The following LPCAT2 variants were observed in gnomAD, a reference collection of about 807,000 sequenced individuals.
LPCAT2 encodes the protein lysophosphatidylcholine acyltransferase 2.
In LPCAT2, 58 loss-of-function variants were observed where a neutral mutation model predicts 64.7. The ratio of observed to expected loss-of-function variants is 0.90; its 90% CI spans 0.73 to 1.12. The LOEUF (loss-of-function observed/expected upper bound fraction) is 1.12, where lower values mean the gene tolerates loss of function less well. Among genes scored for constraint, LPCAT2 ranks in the 50% most tolerant of loss-of-function variants. The probability of loss-of-function intolerance (pLI) is 0.00; values close to 1 mark genes in which losing one functional copy is unlikely to be tolerated. For synonymous variants in LPCAT2, 252 were observed against 245.3 expected (o/e 1.03, Z -0.26); for missense variants, 579 against 669.8 (o/e 0.86, Z 1.50).
At chr16:55,568,971 T>C (rs1162910859) in intron 11 of LPCAT2, among the ~76,000 whole-genome samples, 13 of 152,212 alleles carry the variant, frequency 8.5e-5, no homozygotes, top group African/African-American at 1.9e-4. Flanking sequence ...TGCTATTTAA[T>C]TGGTCTCTAC....
intron 5 of LPCAT2, 154 bp downstream of exon 5, chr16:55,532,128 C>T (rs1429275791): frequency 1.7e-6 from 1 of 591,452 alleles, no homozygotes; most frequent in Middle Eastern, 4.8e-4. Flanking sequence ...ACAGAACTTA[C>T]TGCTTTGCTT....
chr16:55,513,519 A>C (rs1962964124), intron 1 of LPCAT2, among the ~76,000 whole-genome samples: 1 of 42,044 alleles, frequency 2.4e-5, no homozygotes, highest in Non-Finnish European at 7.1e-5. Context: ...AATGAAAACA[A>C]AAAAAAAAAA....
At chr16:55,563,608 A>G (rs1169651724) in intron 11 of LPCAT2, among the ~76,000 whole-genome samples, 12 of 152,022 alleles carry the variant, frequency 7.9e-5, no homozygotes, top group African/African-American at 2.9e-4. Flanking sequence ...GAAAAATCAC[A>G]TGATCATCTT....
At chr16:55,537,098 G>T (rs879888219) in intron 7 of LPCAT2, among the ~76,000 whole-genome samples, 1 of 152,104 alleles carries the variant, frequency 6.6e-6, no homozygotes, top group Non-Finnish European at 1.5e-5. Flanking sequence ...AGTTTCTCTA[G>T]AGACTTGGGC....
In LPCAT2 at chr16:55,557,439, G is replaced by A. The variant is rs1190667005; in HGVS notation, c.1215+6337G>A. On this transcript the variant is annotated intron_variant, in intron 11 of 13. Transcript: ENST00000262134. Reference sequence around the variant, plus strand: ...TGCTAGGCTTGTTTTCTCAGTCTCTGTGAGTGATTTAGCAGAGGGAAGTTT... The same window carrying A: ...TGCTAGGCTTGTTTTCTCAGTCTCTATGAGTGATTTAGCAGAGGGAAGTTT... Among the ~76,000 whole-genome samples the A allele has an allele frequency of 5.3e-5, 8 of 152,130 alleles. No homozygotes were observed. The South Asian group carries it at 6.2e-4, about 12-fold the overall frequency.
At chr16:55,509,991 CTTTTTTTTTTT>C (rs57496150) in intron 1 of LPCAT2, among the ~76,000 whole-genome samples, 1 of 102,532 alleles carries the variant, frequency 9.8e-6, no homozygotes, top group African/African-American at 3.7e-5. Flanking sequence ...TTGAAGAAGT[CTTTTTTTTTTT>C]TTTTTTGCCT....
At chr16:55,577,791 G>A (rs1432658706) in intron 12 of LPCAT2, among the ~76,000 whole-genome samples, 2 of 151,826 alleles carry the variant, frequency 1.3e-5, no homozygotes, top group African/African-American at 2.4e-5. Context: ...TTTTGTGCTT[G>A]GATACTACCC....
At chr16:55,524,479 G>A (rs934328001) in intron 1 of LPCAT2, among the ~76,000 whole-genome samples, 1 of 151,854 alleles carries the variant, frequency 6.6e-6, no homozygotes, top group Non-Finnish European at 1.5e-5. Context: ...TGCAGTGGTG[G>A]TTACATGAGT....
chr16:55,572,114 A>G (rs964662691), intron 11 of LPCAT2, among the ~76,000 whole-genome samples: 1 of 152,186 alleles, frequency 6.6e-6, no homozygotes, highest in Non-Finnish European at 1.5e-5. Flanking sequence ...TTTGTCATTC[A>G]AAACCACTCG....
At chr16:55,561,949 G>A (rs1301478045) in intron 11 of LPCAT2, among the ~76,000 whole-genome samples, 1 of 151,964 alleles carries the variant, frequency 6.6e-6, no homozygotes, top group Non-Finnish European at 1.5e-5. Flanking sequence ...TAGACAGAGC[G>A]ATGTCCCTTG....
rs1335056429 is a variant in LPCAT2, at chr16:55,585,877, G to A, written c.*2779G>A. ...GAACTCTCCCCTTCAGACTATTACC[G>A]AATGCAAGGTGGTTAATTGAAGGCC... is the stretch of plus-strand genomic sequence containing the variant. On this transcript the variant is annotated 3_prime_UTR_variant, in exon 14 of 14. Coordinates refer to ENST00000262134, the MANE Select transcript of LPCAT2 (RefSeq NM_017839.5). The A allele has an allele frequency of 3.9e-5, 6 of 152,128 alleles. No individual in the cohort carries two copies. Among genetic ancestry groups the A allele is most frequent in the African/African-American group, 7.2e-5 (3 of 41,438 alleles). The allele number at this position is 152,128 out of a possible 1,614,324, so 9.4% of individuals were successfully genotyped here. A position where few individuals can be genotyped will look rare whatever the true frequency, so the allele number is the denominator to read the frequency against.
intron 6 of LPCAT2, 72 bp from the exon 7 acceptor site, chr16:55,534,371 T>C: frequency 3.3e-6 from 3 of 897,498 alleles, no homozygotes; most frequent in South Asian, 1.4e-5. Context: ...AATCCCCATA[T>C]TAAAATAAGA....
chr16:55,582,089 A>T (rs1963892598), intron 13 of LPCAT2, among the ~76,000 whole-genome samples: 1 of 152,190 alleles, frequency 6.6e-6, no homozygotes, highest in African/African-American at 2.4e-5. Context: ...ATAATTTTTT[A>T]AACATTTTTT....
At chr16:55,531,873 T>G (rs1347111241) in intron 4 of LPCAT2, 41 bp from the exon 5 acceptor site, 6 of 1,255,004 alleles carry the variant, frequency 4.8e-6, no homozygotes, top group Non-Finnish European at 7.0e-6. Context: ...GGTAATTTAT[T>G]AATTAGATTG....
At chr16:55,561,113 T>A (rs1485736328) in intron 11 of LPCAT2, among the ~76,000 whole-genome samples, 4 of 152,078 alleles carry the variant, frequency 2.6e-5, no homozygotes, top group African/African-American at 9.6e-5. Context: ...CTTAGCATAA[T>A]GTTTTAAGGT....
intron 1 of LPCAT2, among the ~76,000 whole-genome samples, chr16:55,517,771 G>A (rs1378802683): frequency 6.6e-6 from 1 of 152,128 alleles, no homozygotes; most frequent in African/African-American, 2.4e-5. Context: ...TCACTTTCAT[G>A]ATAAAAACCA....
chr16:55,562,293 G>C (rs111235868), intron 11 of LPCAT2, among the ~76,000 whole-genome samples: 5 of 151,910 alleles, frequency 3.3e-5, no homozygotes, highest in African/African-American at 1.2e-4. Context: ...TCTATTTGGA[G>C]AACTCTGAGA....
intron 1 of LPCAT2, among the ~76,000 whole-genome samples, chr16:55,514,172 G>A (rs536152041): frequency 1.3e-5 from 2 of 152,212 alleles, no homozygotes; most frequent in South Asian, 4.2e-4. Flanking sequence ...GATCATAGGG[G>A]ACTTTAAAAG....
intron 1 of LPCAT2, among the ~76,000 whole-genome samples, chr16:55,521,726 A>G (rs2142393613): frequency 6.6e-6 from 1 of 151,896 alleles, no homozygotes; most frequent in African/African-American, 2.4e-5. Flanking sequence ...AGCAGAACAT[A>G]TGATAAAATG....
Sources: allele counts gnomAD v4.1 joint callset (sites outside exome capture counted in the v4.1 genomes callset), GRCh38; gene constraint gnomAD v4.1.1; transcripts MANE v1.5; gene names NCBI Gene and HGNC (gene_info 2026-07-23, HGNC 2026-07-21).